C2CD4D: variants seen among roughly 807,000 people sequenced by gnomAD.
C2CD4D encodes C2 calcium dependent domain containing 4D.
Under a neutral mutation model 0.2 loss-of-function variants are expected in C2CD4D, and 1 was observed. That is an observed-to-expected ratio of 4.00 (90% CI 1.42 to 18.99). The LOEUF is 18.99. Ranked by LOEUF, C2CD4D falls within the 30% of genes most tolerant of loss-of-function variation. The pLI, the probability that C2CD4D is intolerant of heterozygous loss-of-function variation, is 0.11. For synonymous variants in C2CD4D, 269 were observed against 279.8 expected, an observed-to-expected ratio of 0.96 and a Z score of 0.39; for missense variants, 552 against 551.2, an observed-to-expected ratio of 1.00 and a Z score of -0.01.
exon 2 of C2CD4D, chr1:151,839,079 T>G: frequency 1.4e-6 from 2 of 1,444,350 alleles, no homozygotes; most frequent in South Asian, 2.6e-5. Flanking sequence ...GGAGCGGGGC[T>G]GGGCGAGGAG....
exon 2 of C2CD4D, chr1:151,838,000 A>G (rs1333788152): frequency 6.4e-7 from 1 of 1,550,870 alleles, no homozygotes; most frequent in African/African-American, 1.4e-5. Flanking sequence ...GCAGCAGCGC[A>G]ATGAGGGGCG....
chr1:151,839,112 G>T, exon 2 of C2CD4D: 1 of 1,146,732 alleles, frequency 8.7e-7, no homozygotes, highest in Non-Finnish European at 1.2e-6. Context: ...AGAGGTGAGT[G>T]ATGCTGGCGT....
chr1:151,838,297 G>A lies in C2CD4D; in HGVS notation c.693C>T (p.Pro231=), dbSNP rs923802185. The A allele has an allele frequency of 3.7e-6, 5 of 1,344,450 alleles. No homozygotes were observed. In the African/African-American group the frequency reaches 6.1e-5, roughly 17 times the overall value. The allele number at this position is 1,344,450 out of a possible 1,614,324, so 83.3% of individuals were successfully genotyped here. ...TCACTAGGCGCAGCCGCAGCCGCCC[G>A]GGCCCGGCCTGATATTCGGTGGAGA... Residue 231 remains proline (P), a synonymous_variant, in exon 2 of 2, where the codon CCC becomes CCT. Coordinates refer to ENST00000454109, the Ensembl canonical transcript of C2CD4D.
At chr1:151,838,536 C>T (rs1338136528) in exon 2 of C2CD4D, 9 of 1,334,126 alleles carry the variant, frequency 6.7e-6, no homozygotes, top group Admixed American at 3.9e-5. Flanking sequence ...CGCGGGGAGC[C>T]GAAGGGCGAC....
chr1:151,838,699 G>T, exon 2 of C2CD4D: 1 of 1,373,642 alleles, frequency 7.3e-7, no homozygotes, highest in Non-Finnish European at 9.4e-7. Flanking sequence ...GCGTGTGCGG[G>T]CTCTCGGGCA....
intron 1 of C2CD4D, 48 bp from the exon 2 acceptor site, chr1:151,839,268 A>G: frequency 2.1e-6 from 1 of 487,388 alleles, no homozygotes; most frequent in Middle Eastern, 5.3e-4. Context: ...ACATTTTCAT[A>G]TACGGGCCTC....
chr1:151,838,513 G>A, exon 2 of C2CD4D: 16 of 1,360,946 alleles, frequency 1.2e-5, no homozygotes, highest in Non-Finnish European at 1.4e-5. Context: ...CCCGGCGCCG[G>A]CCCAGGCCTG....
exon 2 of C2CD4D, chr1:151,838,102 G>C: frequency 6.4e-7 from 1 of 1,551,418 alleles, no homozygotes; most frequent in Non-Finnish European, 8.7e-7. Context: ...GGTCCGGGGG[G>C]CCGAGCCCGT....
At position 151,838,438 on chromosome 1, in the gene C2CD4D, C is replaced by T. The variant is rs964921586; in HGVS notation, c.552G>A (p.Pro184=). ...GCGGCGTGGGCGGCCCGGCGCGGCGCGGCGAGTGCGGGCTGGTATCGGCCG... is the reference window on the plus strand; with the variant it reads ...GCGGCGTGGGCGGCCCGGCGCGGCGTGGCGAGTGCGGGCTGGTATCGGCCG... Residue 184 remains proline, a synonymous_variant, in exon 2 of 2, where the codon CCG becomes CCA. Coordinates refer to ENST00000454109, the Ensembl canonical transcript of C2CD4D. The T allele has an allele frequency of 1.8e-5, 25 of 1,415,140 alleles. No homozygotes were observed. The East Asian group carries it at 4.9e-4, about 28-fold the overall frequency. 87.7% of individuals were successfully genotyped at this position (1,415,140 alleles called of 1,614,324 possible).
At position 151,838,644 on chromosome 1, in the gene C2CD4D, C is replaced by T. The variant is rs537061891; in HGVS notation, c.346G>A (p.Gly116Arg). The T allele has an allele frequency of 5.2e-4, 696 of 1,334,628 alleles. No individual in the cohort carries two copies. The highest frequency in any genetic ancestry group is 6.2e-4 in the Non-Finnish European group (647 of 1,046,624). The allele number at this position is 1,334,628 out of a possible 1,614,324, so 82.7% of individuals were successfully genotyped here. The change falls in exon 2 of 2, where the codon GGG becomes AGG. Residue 116 changes from glycine to arginine, a missense_variant. Coordinates refer to ENST00000454109, the Ensembl canonical transcript of C2CD4D. ...CGGGACTGCGCCGCGGGGAGTCCCC[C>T]GGCCGGGGCAGGTGGCGGCCCGTGG...
exon 1 of C2CD4D, chr1:151,840,526 G>A (rs1387618745): frequency 6.6e-6 from 1 of 152,264 alleles, no homozygotes; most frequent in Non-Finnish European, 1.5e-5. Context: ...AAGGCAGAGT[G>A]ACTTGCAGTG....
intron 1 of C2CD4D, chr1:151,840,190 G>A (rs543963851): frequency 6.6e-6 from 1 of 152,440 alleles, no homozygotes; most frequent in South Asian, 2.1e-4. Context: ...GGCCTCCGCT[G>A]CCTACGTCCT....
At chr1:151,838,811 G>A in exon 2 of C2CD4D, 1 of 1,414,976 alleles carries the variant, frequency 7.1e-7, no homozygotes, top group South Asian at 1.5e-5. Context: ...TGCGCCGCCC[G>A]GGTCCGGGAG....
At chr1:151,838,300 C>A (rs1189539007) in exon 2 of C2CD4D, 4 of 1,384,184 alleles carry the variant, frequency 2.9e-6, no homozygotes, top group East Asian at 6.3e-5. Context: ...GCCGCCCGGG[C>A]CCGGCCTGAT....
chr1:151,838,424 G>T (rs1422825261), exon 2 of C2CD4D: 4 of 1,422,816 alleles, frequency 2.8e-6, no homozygotes, highest in South Asian at 1.5e-5. Flanking sequence ...CGGCGTGGGC[G>T]GCCCGGCGCG....
At chr1:151,838,288 C>T (rs1193837446) in exon 2 of C2CD4D, 2 of 1,326,392 alleles carry the variant, frequency 1.5e-6, no homozygotes, top group South Asian at 2.3e-5. Flanking sequence ...GGCGCAGCCG[C>T]AGCCGCCCGG....
exon 2 of C2CD4D, chr1:151,839,087 G>A: frequency 7.3e-7 from 1 of 1,362,242 alleles, no homozygotes; most frequent in Non-Finnish European, 1.0e-6. Flanking sequence ...GCTGGGCGAG[G>A]AGCGCAGAGG....
At chr1:151,838,086 C>A (rs754082112) in exon 2 of C2CD4D, 2 of 1,551,444 alleles carry the variant, frequency 1.3e-6, no homozygotes, top group Admixed American at 2.0e-5. Context: ...AGGCTGCGGG[C>A]GGCCAGGTCC....
chr1:151,839,514 A>C (rs920035769), intron 1 of C2CD4D, among the ~76,000 whole-genome samples, 150 bp downstream of exon 1: 6 of 152,034 alleles, frequency 3.9e-5, no homozygotes, highest in Non-Finnish European at 8.8e-5. Flanking sequence ...TCTGGGATCC[A>C]GTCTGGCGCC....
Sources: gnomAD v4.1 joint callset for allele counts (sites outside exome capture counted in the v4.1 genomes callset) on GRCh38, gnomAD v4.1.1 for gene constraint, MANE v1.5 for transcripts, NCBI Gene and HGNC (gene_info 2026-07-23, HGNC 2026-07-21) for gene names.